Variants in WDR7 observed in about 807,000 individuals in gnomAD.
WDR7 encodes the protein WD repeat domain 7.
WDR7 carries 46 observed loss-of-function variants against 169.4 expected under a neutral mutation model. The ratio of observed to expected loss-of-function variants is 0.27; its 90% CI spans 0.21 to 0.35. The LOEUF (loss-of-function observed/expected upper bound fraction) is 0.35. Among genes scored for constraint, WDR7 ranks in the 10% least tolerant of loss-of-function variants. WDR7 has a pLI of 1.00. For missense variants in WDR7, 1,534 were observed against 1,859.3 expected, an observed-to-expected ratio of 0.83 and a Z score of 3.22; for synonymous variants, 612 against 666.8, an observed-to-expected ratio of 0.92 and a Z score of 1.27.
At chr18:56,947,440 T>C (rs1166620812) in intron 25 of WDR7, among the ~76,000 whole-genome samples, 3 of 152,324 alleles carry the variant, frequency 2.0e-5, no homozygotes, top group Non-Finnish European at 2.9e-5. Context: ...CTATAAATAA[T>C]ACAGCATCCT....
chr18:56,824,666 G>C (rs1017780012), intron 20 of WDR7, among the ~76,000 whole-genome samples: 5 of 152,192 alleles, frequency 3.3e-5, no homozygotes, highest in African/African-American at 1.2e-4. Context: ...CATTAGTGAG[G>C]TGATGTAGGC....
At chr18:57,032,473 G>T (rs2048446182), downstream of WDR7, 1 of 152,180 alleles carries the variant, frequency 6.6e-6, no homozygotes, top group Admixed American at 6.5e-5. Context: ...ATCAGACTGT[G>T]GCCTGTGAGG....
intron 19 of WDR7, among the ~76,000 whole-genome samples, chr18:56,787,251 G>A (rs946828717): frequency 6.6e-5 from 10 of 152,208 alleles, no homozygotes; most frequent in Admixed American, 2.6e-4. Flanking sequence ...GGCCTGCAAC[G>A]CAGAGTGACC....
At chr18:56,662,096 G>A (rs568782045) in intron 1 of WDR7, among the ~76,000 whole-genome samples, 5 of 152,262 alleles carry the variant, frequency 3.3e-5, no homozygotes, top group South Asian at 4.1e-4. Flanking sequence ...ATTCCCCATC[G>A]GTAGGTGGGT....
At chr18:56,733,009 A>T (rs532928076) in intron 14 of WDR7, among the ~76,000 whole-genome samples, 16 of 152,352 alleles carry the variant, frequency 1.1e-4, no homozygotes, top group African/African-American at 3.8e-4. Context: ...GTACAGTAAC[A>T]GTTATGAATG....
At chr18:56,672,170 T>G in intron 1 of WDR7, among the ~76,000 whole-genome samples, 1 of 152,180 alleles carries the variant, frequency 6.6e-6, no homozygotes, top group East Asian at 1.9e-4. Flanking sequence ...TGTGAAATCC[T>G]AGATAAATAT....
chr18:56,978,614 A>G (rs1476604069), intron 26 of WDR7, among the ~76,000 whole-genome samples: 1 of 152,196 alleles, frequency 6.6e-6, no homozygotes, highest in African/African-American at 2.4e-5. Flanking sequence ...CTGATGATGT[A>G]TGTGTGTTTA....
chr18:56,954,921 T>G (rs1017699389), intron 25 of WDR7, among the ~76,000 whole-genome samples: 1 of 152,174 alleles, frequency 6.6e-6, no homozygotes, highest in African/African-American at 2.4e-5. Flanking sequence ...TTCGTTATTA[T>G]GTAGACAGAC....
At chr18:56,845,167 C>A (rs1337611265) in intron 20 of WDR7, among the ~76,000 whole-genome samples, 1 of 151,978 alleles carries the variant, frequency 6.6e-6, no homozygotes, top group Non-Finnish European at 1.5e-5. Context: ...TCTGATATGT[C>A]CCACTCTATG....
chr18:56,988,177 C>A (rs1422854171), intron 26 of WDR7, among the ~76,000 whole-genome samples: 3 of 152,228 alleles, frequency 2.0e-5, no homozygotes, highest in African/African-American at 7.2e-5. Flanking sequence ...ACCTTCGTAA[C>A]CCCTAATTAA....
At chr18:56,702,323 C>T (rs1443109922) in intron 12 of WDR7, among the ~76,000 whole-genome samples, 1 of 152,102 alleles carries the variant, frequency 6.6e-6, no homozygotes, top group African/African-American at 2.4e-5. Context: ...GATCCAGGCA[C>T]TTTTTCTTGT....
intron 1 of WDR7, among the ~76,000 whole-genome samples, chr18:56,656,758 T>C (rs1239293558): frequency 6.6e-6 from 1 of 152,192 alleles, no homozygotes; most frequent in Admixed American, 6.5e-5. Context: ...CTATGTATTT[T>C]AGAGTTAGTT....
chr18:56,875,030 A>G (rs2046004492), intron 20 of WDR7, among the ~76,000 whole-genome samples: 1 of 152,180 alleles, frequency 6.6e-6, no homozygotes, highest in Non-Finnish European at 1.5e-5. Context: ...AGACTCAACT[A>G]GGTCTTCTTG....
chr18:56,731,351 A>T, intron 13 of WDR7, 32 bp from the exon 14 acceptor site: 1 of 1,602,542 alleles, frequency 6.2e-7, no homozygotes, highest in South Asian at 1.1e-5. Context: ...TTGTAGTGTT[A>T]TGAAATATTT....
intron 20 of WDR7, among the ~76,000 whole-genome samples, chr18:56,835,477 A>G (rs552849311): frequency 3.5e-4 from 54 of 152,320 alleles, no homozygotes; most frequent in African/African-American, 1.3e-3. Context: ...GGAAATATGC[A>G]ATTTTTAAAT....
chr18:56,823,008 A>G (rs557579658), intron 20 of WDR7, among the ~76,000 whole-genome samples: 2 of 152,316 alleles, frequency 1.3e-5, no homozygotes, highest in African/African-American at 2.4e-5. Context: ...TTTGTGTTGA[A>G]GGACAAGTAG....
chr18:56,725,896 A>G (rs1022512834), intron 13 of WDR7, among the ~76,000 whole-genome samples: 14 of 152,168 alleles, frequency 9.2e-5, no homozygotes, highest in Non-Finnish European at 1.2e-4. Context: ...TCCCAGCACC[A>G]TTTGTTAAAT....
chr18:56,813,818 C>A (rs2044917935), intron 19 of WDR7, among the ~76,000 whole-genome samples: 1 of 152,224 alleles, frequency 6.6e-6, no homozygotes, highest in African/African-American at 2.4e-5. Flanking sequence ...AGTTTTAGCA[C>A]AACTCCCTGG....
At chr18:56,939,446 T>C in intron 25 of WDR7, 53 bp downstream of exon 25, 1 of 1,399,780 alleles carries the variant, frequency 7.1e-7, no homozygotes, top group Non-Finnish European at 9.6e-7. Context: ...TAACAAATAA[T>C]TTTAAAAATT....
Sources: gnomAD v4.1 joint callset for allele counts (sites outside exome capture counted in the v4.1 genomes callset) on GRCh38, gnomAD v4.1.1 for gene constraint, MANE v1.5 for transcripts, NCBI Gene and HGNC (gene_info 2026-07-23, HGNC 2026-07-21) for gene names.